AFF4: variants seen among roughly 807,000 people sequenced by gnomAD.
The protein encoded by AFF4 is AF4/FMR2 family member 4.
A neutral mutation model predicts 124.8 loss-of-function variants in AFF4; 13 were observed. The observed-to-expected ratio is 0.10, with a 90% CI of 0.07 to 0.17. The LOEUF (loss-of-function observed/expected upper bound fraction) is 0.17, where lower values mean the gene tolerates loss of function less well. AFF4 is among the 10% of genes least tolerant of loss of function. The pLI is 1.00. For missense variants in AFF4, 1,092 were observed against 1,403.8 expected (o/e 0.78, Z 3.55); for synonymous variants, 477 against 496.1 (o/e 0.96, Z 0.51).
At chr5:132,936,234 T>A (rs1761426258) in intron 2 of AFF4, among the ~76,000 whole-genome samples, 2 of 110,198 alleles carry the variant, frequency 1.8e-5, no homozygotes, top group South Asian at 6.4e-4. Context: ...GCCACTGCAC[T>A]CCAACCTGGG....
In AFF4 at chr5:132,902,533, G is replaced by C. The variant is rs146057048; in HGVS notation, c.1088-46C>G. ...TGAGCAACTAAAGGATGGCTATTTA[G>C]ACTGTAAAATGTCTATGTAAAATAC... On this transcript the variant is annotated intron_variant, in intron 6 of 20. Transcript: ENST00000265343. 10 of 1,383,848 alleles carry C rather than the reference G, an allele frequency of 7.2e-6. No homozygotes were observed. In the African/African-American group the frequency reaches 1.3e-4, roughly 18 times the overall value. 85.7% of individuals were successfully genotyped at this position (1,383,848 alleles called of 1,614,324 possible). A position where few individuals can be genotyped will look rare whatever the true frequency, so the allele number is the denominator to read the frequency against.
At chr5:132,951,290 G>T (rs1239047881) in intron 1 of AFF4, among the ~76,000 whole-genome samples, 1 of 151,530 alleles carries the variant, frequency 6.6e-6, no homozygotes, top group Non-Finnish European at 1.5e-5. Context: ...AAGGACTTTT[G>T]GTGATTCTCC....
Position 132,892,228 on chromosome 5 carries a change from C to T in AFF4, c.2573G>A (p.Ser858Asn). Residue 858 changes from serine (S) to asparagine (N), a missense_variant, in exon 13 of 21, where the codon AGT (serine) becomes AAT (asparagine). By Grantham distance (46) the Ser-to-Asn change is conservative. Coordinates refer to ENST00000265343, the MANE Select transcript of AFF4 (RefSeq NM_014423.4). Reference protein sequence around the residue: ...NKETSGSSKNSSSTSKQKKTE... With the variant: ...NKETSGSSKNNSSTSKQKKTE... ...CTTCTTCTGCTTTGATGTGGAGGAA[C>T]TGTTTTTGCTGCTGCCACTCGTCTC... 2.5e-6 allele frequency: 4 copies of T among 1,614,138 alleles called. No homozygotes were observed. In the Admixed American group the frequency reaches 5.0e-5, roughly 20 times the overall value.
intron 1 of AFF4, among the ~76,000 whole-genome samples, chr5:132,939,733 C>T (rs1343798909): frequency 6.6e-6 from 1 of 152,220 alleles, no homozygotes; most frequent in African/African-American, 2.4e-5. Flanking sequence ...GCCTCAGCCT[C>T]CTGAGTAGCT....
At chr5:132,942,242 T>C (rs1045474673) in intron 1 of AFF4, among the ~76,000 whole-genome samples, 37 of 152,132 alleles carry the variant, frequency 2.4e-4, no homozygotes, top group Admixed American at 6.6e-5. Flanking sequence ...AATAATTTGC[T>C]GGAGAAGCTC....
chr5:132,885,374 G>GGAA (rs1760089312), intron 18 of AFF4, among the ~76,000 whole-genome samples: 1 of 149,898 alleles, frequency 6.7e-6, no homozygotes, highest in Non-Finnish European at 1.5e-5. Flanking sequence ...ATGGATAAAG[G>GGAA]GAAGGGGGAT....
chr5:132,912,876 C>CAT (rs1235271878), intron 5 of AFF4, among the ~76,000 whole-genome samples: 1 of 151,360 alleles, frequency 6.6e-6, no homozygotes, highest in Non-Finnish European at 1.5e-5. Context: ...CACACACACA[C>CAT]ACACACAAAA....
intron 5 of AFF4, among the ~76,000 whole-genome samples, chr5:132,921,020 G>A (rs1761030711): frequency 6.6e-6 from 1 of 151,886 alleles, no homozygotes; most frequent in Non-Finnish European, 1.5e-5. Context: ...CCAGCTACTC[G>A]AGAGGCCGAG....
chr5:132,906,816 C>T (rs187083052), intron 5 of AFF4, among the ~76,000 whole-genome samples: 1 of 152,086 alleles, frequency 6.6e-6, no homozygotes, highest in Non-Finnish European at 1.5e-5. Flanking sequence ...ATGAAGATTC[C>T]AGGATGGGTG....
chr5:132,900,447 C>A (rs1760521947), intron 7 of AFF4, among the ~76,000 whole-genome samples: 1 of 152,054 alleles, frequency 6.6e-6, no homozygotes. Context: ...ATCCTAGCTA[C>A]CCAGGAGGAT....
At chr5:132,893,002 T>C (rs1760301621) in intron 12 of AFF4, 28 bp downstream of exon 12, 2 of 1,598,032 alleles carry the variant, frequency 1.3e-6, no homozygotes, top group African/African-American at 1.3e-5. Flanking sequence ...TTAACAACAC[T>C]GGCATGCAAC....
At chr5:132,914,569 C>T (rs1213364351) in intron 5 of AFF4, among the ~76,000 whole-genome samples, 2 of 151,664 alleles carry the variant, frequency 1.3e-5, no homozygotes, top group African/African-American at 4.8e-5. Context: ...CCACTGCACT[C>T]CAGCCTGGGA....
chr5:132,949,739 G>T (rs148556088), intron 1 of AFF4, among the ~76,000 whole-genome samples: 1 of 151,340 alleles, frequency 6.6e-6, no homozygotes, highest in Non-Finnish European at 1.5e-5. Flanking sequence ...GTGAGTGCCC[G>T]CAGTCCCGGC....
At chr5:132,926,295 C>T (rs996021386) in intron 5 of AFF4, 4 of 431,178 alleles carry the variant, frequency 9.3e-6, no homozygotes, top group African/African-American at 6.1e-5. Flanking sequence ...AAAACTTTCA[C>T]AAGGAGAATG....
intron 13 of AFF4, among the ~76,000 whole-genome samples, chr5:132,889,871 G>A (rs1224850969): frequency 6.6e-6 from 1 of 152,042 alleles, no homozygotes; most frequent in African/African-American, 2.4e-5. Context: ...CTAGGCTCAA[G>A]TGATCCTCCC....
intron 5 of AFF4, chr5:132,926,700 CTT>C (rs56914896): frequency 0.25 from 11,707 of 46,962 alleles, 961 homozygotes; most frequent in East Asian, 0.42. Flanking sequence ...CTATGCCAAG[CTT>C]TTTTTTTTTT....
At chr5:132,946,089 G>C (rs1356781402) in intron 1 of AFF4, among the ~76,000 whole-genome samples, 1 of 141,860 alleles carries the variant, frequency 7.0e-6, no homozygotes, top group Admixed American at 6.8e-5. Flanking sequence ...AACAAGTAAA[G>C]TTTAGTGAAA....
At chr5:132,910,987 A>G (rs187904698) in intron 5 of AFF4, among the ~76,000 whole-genome samples, 39 of 152,274 alleles carry the variant, frequency 2.6e-4, no homozygotes, top group Non-Finnish European at 5.9e-5. Context: ...CTATACCCAT[A>G]TTCTCTGCTT....
At chr5:132,945,557 GC>G (rs1384257450) in intron 1 of AFF4, 1 of 152,242 alleles carries the variant, frequency 6.6e-6, no homozygotes, top group Admixed American at 6.5e-5. Flanking sequence ...TTCGAGACCA[GC>G]CTGGCCAACA....
Sources: allele counts gnomAD v4.1 joint callset (sites outside exome capture counted in the v4.1 genomes callset), GRCh38; gene constraint gnomAD v4.1.1; transcripts MANE v1.5; gene names NCBI Gene and HGNC (gene_info 2026-07-23, HGNC 2026-07-21).